Variants in TRMU observed in about 807,000 individuals in gnomAD.
TRMU encodes tRNA mitochondrial 2-thiouridylase.
Under a neutral mutation model 46.9 loss-of-function variants are expected in TRMU, and 49 were observed. The ratio of observed to expected loss-of-function variants is 1.05; its 90% CI spans 0.83 to 1.33. The LOEUF is 1.33. Ranked by LOEUF, TRMU falls within the 40% of genes most tolerant of loss-of-function variation. The pLI is 0.00. For synonymous variants in TRMU, 241 were observed against 200.9 expected (o/e 1.20, Z -1.69); for missense variants, 572 against 532.4 (o/e 1.07, Z -0.73).
chr22:46,357,301 G>A lies in TRMU; in HGVS notation c.*295G>A. 1.9e-6 allele frequency: 1 copy of A among 525,684 alleles called. No homozygotes were observed. The highest frequency in any genetic ancestry group is 3.5e-6 in the Non-Finnish European group (1 of 289,750). 32.6% of individuals were successfully genotyped at this position (525,684 alleles called of 1,614,324 possible). A position where few individuals can be genotyped will look rare whatever the true frequency, so the allele number is the denominator to read the frequency against. Reference sequence around the variant, plus strand: ...TACACCGAGGGGACCTGCAGAGGGGGCTGTCGGGACAGCGTGGAATAAACA... The same window carrying A: ...TACACCGAGGGGACCTGCAGAGGGGACTGTCGGGACAGCGTGGAATAAACA... On this transcript the variant is annotated 3_prime_UTR_variant, in exon 11 of 11. Transcript: ENST00000645190.
In TRMU at chr22:46,349,898, C is replaced by T. The variant is rs192396411; in HGVS notation, c.479-393C>T. On this transcript the variant is annotated intron_variant, in intron 4 of 10. Coordinates refer to ENST00000645190, the MANE Select transcript of TRMU (RefSeq NM_018006.5). The surrounding 1 kb of genome is among the most constrained non-coding windows in gnomAD (Gnocchi z 4.6). ...ATCCTGTGGTTGTTGGAAGAAGGCACAGCTGACACTATATCAGTGGAATTT... is the reference window on the plus strand; with the variant it reads ...ATCCTGTGGTTGTTGGAAGAAGGCATAGCTGACACTATATCAGTGGAATTT... Among the ~76,000 whole-genome samples the T allele has an allele frequency of 1.6e-3, 240 of 152,232 alleles. 1 individual carries two copies. Among genetic ancestry groups the T allele is most frequent in the African/African-American group, 5.6e-3 (232 of 41,528 alleles).
Position 46,342,292 on chromosome 22 carries a change from C to T in TRMU, c.249-970C>T, listed in dbSNP as rs766942874. Among the ~76,000 whole-genome samples, 11 of 152,046 alleles carry T rather than the reference C, an allele frequency of 7.2e-5. No individual in the cohort carries two copies. The highest frequency in any genetic ancestry group is 1.3e-4 in the Non-Finnish European group (9 of 68,022). ...ACAGAACTCAGAAAAACACATTTAC[C>T]AGTTTATTATAAAGGATGTTGCAAA... On this transcript the variant is annotated intron_variant, in intron 2 of 10. Coordinates refer to ENST00000645190, the MANE Select transcript of TRMU (RefSeq NM_018006.5). The surrounding 1 kb of genome is among the most constrained non-coding windows in gnomAD (Gnocchi z 4.7).
rs2078160039 is a variant in TRMU, at chr22:46,342,974, T to C, written c.249-288T>C. On this transcript the variant is annotated intron_variant, in intron 2 of 10. Coordinates refer to ENST00000645190, the MANE Select transcript of TRMU (RefSeq NM_018006.5). This position sits in a 1 kb window ranked among gnomAD's most constrained non-coding sequence, Gnocchi z 4.7. ...TGGAGGAGTCCCAGAGGCAGGGTTT[T>C]AGTGAGACCCTCACGGCCACTCCCC... Among the ~76,000 whole-genome samples the C allele has an allele frequency of 6.6e-6, 1 of 152,192 alleles. No individual in the cohort carries two copies. Among genetic ancestry groups the C allele is most frequent in the Admixed American group, 6.5e-5 (1 of 15,282 alleles).
intron 1 of TRMU, 42 bp from the exon 2 acceptor site, chr22:46,337,737 G>T (rs2078015443): frequency 6.2e-7 from 1 of 1,613,234 alleles, no homozygotes; most frequent in African/African-American, 1.3e-5. Context: ...TTTACCGAAG[G>T]TTGATTTATG....
rs2078417723 is a variant in TRMU at position 46,351,358 on chromosome 22, A to G, written c.652-763A>G. ...AACCCGGAGTGTTGGCGGAACTAGG[A>G]TGAAGCCCGTGGGAGGGCCTTGGGG... is the stretch of plus-strand genomic sequence containing the variant. On this transcript the variant is annotated intron_variant, in intron 5 of 10. Coordinates refer to ENST00000645190, the MANE Select transcript of TRMU (RefSeq NM_018006.5). This position sits in a 1 kb window ranked among gnomAD's most constrained non-coding sequence, Gnocchi z 6.4. Among the ~76,000 whole-genome samples the G allele has an allele frequency of 6.6e-6, 1 of 152,154 alleles. No homozygotes were observed. Among genetic ancestry groups the G allele is most frequent in the Non-Finnish European group, 1.5e-5 (1 of 68,006 alleles).
In TRMU at chr22:46,357,049, T is replaced by C. The variant is rs113302712; in HGVS notation, c.*43T>C. On this transcript the variant is annotated 3_prime_UTR_variant, in exon 11 of 11. Transcript: ENST00000645190. ...GAAGGAACCTGGAGAGCAGGACCCA[T>C]GGCTGGGCGGCTGGTGAGCAGTCCA... The C allele has an allele frequency of 3.8e-4, 612 of 1,611,686 alleles. 4 individuals carry two copies. The African/African-American group carries it at 6.7e-3, about 18-fold the overall frequency.
rs2077967852 is a variant in TRMU, at chr22:46,336,075, C to T, written c.82+229C>T. On this transcript the variant is annotated intron_variant, in intron 1 of 10. Transcript: ENST00000645190. This position sits in a 1 kb window ranked among gnomAD's most constrained non-coding sequence, Gnocchi z 4.1. Reference sequence around the variant, plus strand: ...CTCCGACTACCTGGGAGCAGTTCCGCGCCCCTCTCCACCCACGCGCGCCCA... The same window carrying T: ...CTCCGACTACCTGGGAGCAGTTCCGTGCCCCTCTCCACCCACGCGCGCCCA... 1 of 1,386,000 alleles carries T rather than the reference C, an allele frequency of 7.2e-7. No homozygotes were observed. Among genetic ancestry groups the T allele is most frequent in the Non-Finnish European group, 9.3e-7 (1 of 1,074,164 alleles). The allele number at this position is 1,386,000 out of a possible 1,614,324, so 85.9% of individuals were successfully genotyped here. A position where few individuals can be genotyped will look rare whatever the true frequency, so the allele number is the denominator to read the frequency against.
At position 46,351,937 on chromosome 22, in the gene TRMU, C is replaced by T; in HGVS notation, c.652-184C>T. On this transcript the variant is annotated intron_variant, in intron 5 of 10. Coordinates refer to ENST00000645190, the MANE Select transcript of TRMU (RefSeq NM_018006.5). The surrounding 1 kb of genome is among the most constrained non-coding windows in gnomAD (Gnocchi z 6.4). ...CGAGACAATGAGGCGTTCTCTAAGG[C>T]TCTGGCATCGTGTGCGCCGGCTGTG... The T allele has an allele frequency of 1.3e-6, 1 of 752,876 alleles. No individual in the cohort carries two copies. The highest frequency in any genetic ancestry group is 2.4e-6 in the Non-Finnish European group (1 of 416,808). The allele number at this position is 752,876 out of a possible 1,614,324, so 46.6% of individuals were successfully genotyped here.
rs2078295954 is a variant in TRMU, at chr22:46,347,657, T to A, written c.478+1113T>A. 6.6e-6 allele frequency among the ~76,000 whole-genome samples: 1 copy of A among 152,180 alleles called. No individual in the cohort carries two copies. Among genetic ancestry groups the A allele is most frequent in the Non-Finnish European group, 1.5e-5 (1 of 68,026 alleles). Reference sequence around the variant, plus strand: ...GAGCCACCAAGCCCGGCCTCACACGTTTCACATCACTCCTCTTAGCAGTCC... The same window carrying A: ...GAGCCACCAAGCCCGGCCTCACACGATTCACATCACTCCTCTTAGCAGTCC... On this transcript the variant is annotated intron_variant, in intron 4 of 10. Coordinates refer to ENST00000645190, the MANE Select transcript of TRMU (RefSeq NM_018006.5). This position sits in a 1 kb window ranked among gnomAD's most constrained non-coding sequence, Gnocchi z 5.0.
rs967612493 is a variant in TRMU at position 46,335,762 on chromosome 22, C to A, written c.-3C>A. 6.4e-7 allele frequency: 1 copy of A among 1,550,836 alleles called. No homozygotes were observed. Among genetic ancestry groups the A allele is most frequent in the Non-Finnish European group, 8.7e-7 (1 of 1,151,836 alleles). Reference sequence around the variant, plus strand: ...GCAGCTGGCGAAGTTGGGCGACTGGCGGATGCAGGCCTTGCGGCACGTCGT... The same window carrying A: ...GCAGCTGGCGAAGTTGGGCGACTGGAGGATGCAGGCCTTGCGGCACGTCGT... On this transcript the variant is annotated 5_prime_UTR_variant, in exon 1 of 11. Transcript: ENST00000645190.
At position 46,349,637 on chromosome 22, in the gene TRMU, C is replaced by T. The variant is rs147372400; in HGVS notation, c.479-654C>T. On this transcript the variant is annotated intron_variant, in intron 4 of 10. Transcript: ENST00000645190. The surrounding 1 kb of genome is among the most constrained non-coding windows in gnomAD (Gnocchi z 4.6). ...ACTGGACGGTTCTAAGCCAGGTTTA[C>T]TCACACCTCTGCTCCGTTGCCTTAA... 1.3e-3 allele frequency among the ~76,000 whole-genome samples: 205 copies of T among 152,342 alleles called. 1 individual carries two copies. The highest frequency in any genetic ancestry group is 4.9e-3 in the African/African-American group (202 of 41,588).
Position 46,336,046 on chromosome 22 carries a change from G to C in TRMU, c.82+200G>C. 7.1e-7 allele frequency: 1 copy of C among 1,407,492 alleles called. No homozygotes were observed. Among genetic ancestry groups the C allele is most frequent in the Non-Finnish European group, 9.2e-7 (1 of 1,084,768 alleles). 87.2% of individuals were successfully genotyped at this position (1,407,492 alleles called of 1,614,324 possible). A position where few individuals can be genotyped will look rare whatever the true frequency, so the allele number is the denominator to read the frequency against. On this transcript the variant is annotated intron_variant, in intron 1 of 10. Transcript: ENST00000645190. The surrounding 1 kb of genome is among the most constrained non-coding windows in gnomAD (Gnocchi z 4.1). ...TGTGTAGTCGGAGGTGTGCGCGACTGCAGCTCCGACTACCTGGGAGCAGTT... is the reference window on the plus strand; with the variant it reads ...TGTGTAGTCGGAGGTGTGCGCGACTCCAGCTCCGACTACCTGGGAGCAGTT...
rs1399546371 is a variant in TRMU, at chr22:46,356,889, C to T, written c.1149C>T (p.Ile383=). 1.9e-6 allele frequency: 3 copies of T among 1,613,544 alleles called. No individual in the cohort carries two copies. Among genetic ancestry groups the T allele is most frequent in the African/African-American group, 1.3e-5 (1 of 75,066 alleles). The change falls in exon 11 of 11, where the codon ATC becomes ATT. Residue 383 remains isoleucine (I), a synonymous_variant. Coordinates refer to ENST00000645190, the MANE Select transcript of TRMU (RefSeq NM_018006.5). ...KGDECLGSGK[I]LRLGPSAYTL... is the part of the protein sequence containing the mutation. The stretch of plus-strand genomic sequence containing the variant: ...ACGAGTGCCTGGGCAGCGGGAAGAT[C>T]CTGCGGCTGGGGCCGTCTGCCTACA...
chr22:46,350,564 C>G lies in TRMU; in HGVS notation c.651+101C>G, dbSNP rs901688466. ...TGGGTCCCGCACCACTTCCCCTTCTCCAGGACCTAACATCAAAGGCGGGCC... is the reference window on the plus strand; with the variant it reads ...TGGGTCCCGCACCACTTCCCCTTCTGCAGGACCTAACATCAAAGGCGGGCC... On this transcript the variant is annotated intron_variant, in intron 5 of 10. Transcript: ENST00000645190. The surrounding 1 kb of genome is among the most constrained non-coding windows in gnomAD (Gnocchi z 4.6). The G allele has an allele frequency of 2.1e-6, 3 of 1,437,876 alleles. No individual in the cohort carries two copies. In the African/African-American group the frequency reaches 4.2e-5, roughly 20 times the overall value. 89.1% of individuals were successfully genotyped at this position (1,437,876 alleles called of 1,614,324 possible). A position where few individuals can be genotyped will look rare whatever the true frequency, so the allele number is the denominator to read the frequency against.
chr22:46,356,682 C>T (rs2078619781), intron 10 of TRMU, 160 bp from the exon 11 acceptor site: 2 of 859,716 alleles, frequency 2.3e-6, no homozygotes, highest in South Asian at 3.2e-5. Flanking sequence ...CCTCTCCTCT[C>T]CTGTTCAGCA....
At chr22:46,355,657 A>C in intron 9 of TRMU, 69 bp downstream of exon 9, 1 of 1,610,334 alleles carries the variant, frequency 6.2e-7, no homozygotes, top group African/African-American at 1.3e-5. Context: ...GATTTGGGCC[A>C]GGGATGGGAG....
At position 46,351,854 on chromosome 22, in the gene TRMU, T is replaced by G; in HGVS notation, c.652-267T>G. 1.8e-6 allele frequency: 1 copy of G among 560,652 alleles called. No homozygotes were observed. The highest frequency in any genetic ancestry group is 3.2e-6 in the Non-Finnish European group (1 of 311,456). 34.7% of individuals were successfully genotyped at this position (560,652 alleles called of 1,614,324 possible). ...CCTGAAGGACCTGACCGGGTTCTGC[T>G]TTCTTCCCCGGGGCAGCTGGTGTGA... On this transcript the variant is annotated intron_variant, in intron 5 of 10. Transcript: ENST00000645190. The surrounding 1 kb of genome is among the most constrained non-coding windows in gnomAD (Gnocchi z 6.4).
At chr22:46,337,004 G>A (rs965622176) in intron 1 of TRMU, among the ~76,000 whole-genome samples, 8 of 152,198 alleles carry the variant, frequency 5.3e-5, no homozygotes, top group African/African-American at 4.8e-5. Flanking sequence ...GATTATGGAA[G>A]ATGCTATACC....
chr22:46,352,478 G>A, intron 7 of TRMU, 148 bp downstream of exon 7: 2 of 871,094 alleles, frequency 2.3e-6, no homozygotes, highest in South Asian at 1.4e-5. Flanking sequence ...GGCGGGCACG[G>A]CCTAGGGTGG....
Sources: allele counts gnomAD v4.1 joint callset (sites outside exome capture counted in the v4.1 genomes callset), GRCh38; gene constraint gnomAD v4.1.1; non-coding constraint Gnocchi (gnomAD v3.1); transcripts MANE v1.5; gene names NCBI Gene and HGNC (gene_info 2026-07-23, HGNC 2026-07-21).